The following PPP3CA variants were observed in gnomAD, a reference collection of about 807,000 sequenced individuals.
PPP3CA encodes the protein protein phosphatase 3 catalytic subunit alpha, also known as CAM-PRP catalytic subunit.
A neutral mutation model predicts 66.5 loss-of-function variants in PPP3CA; 14 were observed. That is an observed-to-expected ratio of 0.21 (90% CI 0.14 to 0.33). The LOEUF (loss-of-function observed/expected upper bound fraction) is 0.33, where lower values mean the gene tolerates loss of function less well. Among genes scored for constraint, PPP3CA ranks in the 10% least tolerant of loss-of-function variants. PPP3CA has a pLI of 1.00. For missense variants in PPP3CA, 317 were observed against 639.5 expected (o/e 0.50, Z 5.44); for synonymous variants, 232 against 226.2 (o/e 1.03, Z -0.23).
At chr4:101,161,757 G>C (rs1723516400) in intron 2 of PPP3CA, among the ~76,000 whole-genome samples, 1 of 152,164 alleles carries the variant, frequency 6.6e-6, no homozygotes, top group Non-Finnish European at 1.5e-5. Context: ...AACAGATGGA[G>C]TTGATGTGTA....
chr4:101,184,514 G>T (rs1473290509), intron 2 of PPP3CA, among the ~76,000 whole-genome samples: 1 of 152,018 alleles, frequency 6.6e-6, no homozygotes, highest in Non-Finnish European at 1.5e-5. Flanking sequence ...AAAAAAGAGG[G>T]CAAAATATGT....
At chr4:101,063,413 T>C (rs966755437) in intron 8 of PPP3CA, 56 bp from the exon 9 acceptor site, 4 of 1,564,796 alleles carry the variant, frequency 2.6e-6, no homozygotes, top group South Asian at 2.4e-5. Context: ...TGCTTCTATG[T>C]ATGGCTTTAG....
chr4:101,096,902 T>C (rs577879226), intron 5 of PPP3CA, among the ~76,000 whole-genome samples: 2 of 152,076 alleles, frequency 1.3e-5, no homozygotes, highest in South Asian at 4.2e-4. Flanking sequence ...GTTCATCATA[T>C]AGACTTCTCA....
At chr4:101,302,151 TTA>T (rs1728399340) in intron 1 of PPP3CA, among the ~76,000 whole-genome samples, 1 of 152,148 alleles carries the variant, frequency 6.6e-6, no homozygotes, top group African/African-American at 2.4e-5. Context: ...AGCACTAGAT[TTA>T]GAGTAATCTC....
chr4:101,310,150 T>C (rs1728677254), intron 1 of PPP3CA, among the ~76,000 whole-genome samples: 3 of 152,224 alleles, frequency 2.0e-5, no homozygotes, highest in Non-Finnish European at 4.4e-5. Context: ...ACTTCCTGTT[T>C]TTCTACCTTT....
chr4:101,118,769 A>G (rs1721927787), intron 2 of PPP3CA, among the ~76,000 whole-genome samples: 1 of 152,006 alleles, frequency 6.6e-6, no homozygotes, highest in Non-Finnish European at 1.5e-5. Context: ...TGTCTACAGA[A>G]TGCATAGACT....
intron 10 of PPP3CA, among the ~76,000 whole-genome samples, chr4:101,054,092 G>A (rs1728123978): frequency 6.6e-6 from 1 of 151,762 alleles, no homozygotes. Flanking sequence ...GTTCCTCAGA[G>A]CATATTTTCT....
At chr4:101,066,588 A>G (rs1266409264) in intron 8 of PPP3CA, among the ~76,000 whole-genome samples, 1 of 152,144 alleles carries the variant, frequency 6.6e-6, no homozygotes, top group Non-Finnish European at 1.5e-5. Flanking sequence ...CTTCAGCAAC[A>G]CATTTATGCA....
At chr4:101,275,825 G>A (rs781468833) in intron 1 of PPP3CA, among the ~76,000 whole-genome samples, 1 of 148,004 alleles carries the variant, frequency 6.8e-6, no homozygotes, top group Non-Finnish European at 1.5e-5. Flanking sequence ...GGGTGGTGTG[G>A]TTTTTTTCGC....
At chr4:101,271,430 T>A (rs555498307) in intron 1 of PPP3CA, among the ~76,000 whole-genome samples, 2 of 152,092 alleles carry the variant, frequency 1.3e-5, no homozygotes, top group African/African-American at 4.8e-5. Flanking sequence ...AGTGTAAACA[T>A]GATATTTCTC....
At chr4:101,284,017 T>C (rs938818237) in intron 1 of PPP3CA, among the ~76,000 whole-genome samples, 6 of 152,210 alleles carry the variant, frequency 3.9e-5, no homozygotes, top group Non-Finnish European at 7.3e-5. Context: ...AAGTGCTAAA[T>C]AGTCACATAT....
chr4:101,144,028 C>A (rs940093948), intron 2 of PPP3CA, among the ~76,000 whole-genome samples: 3 of 152,032 alleles, frequency 2.0e-5, no homozygotes, highest in Non-Finnish European at 2.9e-5. Context: ...CACTCATCAC[C>A]CTCCTTCTTT....
At chr4:101,228,718 G>C (rs1578573472) in intron 1 of PPP3CA, among the ~76,000 whole-genome samples, 2 of 151,664 alleles carry the variant, frequency 1.3e-5, no homozygotes, top group East Asian at 3.9e-4. Context: ...CTTTGGAATG[G>C]GGTAGGGACA....
intron 10 of PPP3CA, among the ~76,000 whole-genome samples, chr4:101,054,335 TTTAAAC>T (rs1462955393): frequency 1.3e-5 from 2 of 152,082 alleles, no homozygotes; most frequent in East Asian, 1.9e-4. Context: ...AGGTTAAATC[TTTAAAC>T]TTAATTTATT....
chr4:101,238,407 TA>T (rs1726194945), intron 1 of PPP3CA, among the ~76,000 whole-genome samples: 1 of 151,982 alleles, frequency 6.6e-6, no homozygotes, highest in Non-Finnish European at 1.5e-5. Flanking sequence ...CAGGTTTTTT[TA>T]CAATTAATAT....
At chr4:101,326,359 A>G (rs1729208785) in intron 1 of PPP3CA, among the ~76,000 whole-genome samples, 1 of 152,226 alleles carries the variant, frequency 6.6e-6, no homozygotes, top group African/African-American at 2.4e-5. Flanking sequence ...TTCAGAACAG[A>G]TTTCCATATT....
intron 2 of PPP3CA, among the ~76,000 whole-genome samples, chr4:101,159,669 C>T (rs1723438713): frequency 6.6e-6 from 1 of 152,052 alleles, no homozygotes; most frequent in African/African-American, 2.4e-5. Context: ...CCTCATAATG[C>T]CCCTAGTCTT....
chr4:101,097,486 T>C (rs1044507628), intron 5 of PPP3CA, among the ~76,000 whole-genome samples: 3 of 152,098 alleles, frequency 2.0e-5, no homozygotes, highest in African/African-American at 7.2e-5. Context: ...ATGTTATAAA[T>C]ATCAATGTGA....
At chr4:101,282,601 T>C (rs2110279632) in intron 1 of PPP3CA, among the ~76,000 whole-genome samples, 1 of 152,314 alleles carries the variant, frequency 6.6e-6, no homozygotes, top group Non-Finnish European at 1.5e-5. Context: ...TTTGGTCTAT[T>C]CACTTGTTGA....
Sources: allele counts gnomAD v4.1 joint callset (sites outside exome capture counted in the v4.1 genomes callset), GRCh38; gene constraint gnomAD v4.1.1; transcripts MANE v1.5; gene names NCBI Gene and HGNC (gene_info 2026-07-23, HGNC 2026-07-21).